The following PRMT9 variants were observed in gnomAD, a reference collection of about 807,000 sequenced individuals.
The protein encoded by PRMT9 is protein arginine N-methyltransferase 9.
In PRMT9, 59 loss-of-function variants were observed where a neutral mutation model predicts 83.2. The ratio of observed to expected loss-of-function variants is 0.71; its 90% CI spans 0.57 to 0.88. PRMT9 has a LOEUF of 0.88. Among genes scored for constraint, PRMT9 ranks in the 40% least tolerant of loss-of-function variants. The pLI is 0.00. For missense variants in PRMT9, 947 were observed against 1,021.9 expected (o/e 0.93, Z 1.00); for synonymous variants, 333 against 353.2 (o/e 0.94, Z 0.64).
At chr4:147,644,271 G>C (rs1266606101) in intron 9 of PRMT9, among the ~76,000 whole-genome samples, 1 of 151,696 alleles carries the variant, frequency 6.6e-6, no homozygotes, top group African/African-American at 2.4e-5. Context: ...TACTATTACT[G>C]AGTGTAAGGT....
At position 147,638,990 on chromosome 4, in the gene PRMT9, C is replaced by T. The variant is rs753035624; in HGVS notation, c.2292G>A (p.Pro764=). The T allele has an allele frequency of 9.3e-6, 15 of 1,612,194 alleles. No individual in the cohort carries two copies. The highest frequency in any genetic ancestry group is 2.2e-5 in the East Asian group (1 of 44,782). ...CTTCTCTGTTAGAGGTGTTCAAATA[C>T]GGAGTCATTAAATCTAGTCTTAAGA... ...VELLRLDLMT[P]YLNTSNREVK... is the part of the protein sequence containing the mutation. The change falls in exon 11 of 12, where the codon CCG becomes CCA. Residue 764 remains proline (P), a synonymous_variant. Coordinates refer to ENST00000322396, the MANE Select transcript of PRMT9 (RefSeq NM_138364.4).
intron 2 of PRMT9, among the ~76,000 whole-genome samples, chr4:147,675,496 T>C (rs375221041): frequency 2.0e-5 from 3 of 152,220 alleles, no homozygotes; most frequent in African/African-American, 7.2e-5. Flanking sequence ...GCAACTACCA[T>C]TGTACATAGT....
intron 9 of PRMT9, among the ~76,000 whole-genome samples, 156 bp from the exon 10 acceptor site, chr4:147,643,096 C>CA (rs1189376584): frequency 1.1e-4 from 17 of 152,132 alleles, no homozygotes; most frequent in African/African-American, 3.4e-4. Flanking sequence ...CTCATCTCTA[C>CA]AAAAAATACA....
chr4:147,642,341 C>T (rs1356165191), intron 10 of PRMT9, among the ~76,000 whole-genome samples: 1 of 152,048 alleles, frequency 6.6e-6, no homozygotes, highest in African/African-American at 2.4e-5. Flanking sequence ...TGAGTTCAAG[C>T]GATTCTCCCA....
rs988650013 is a variant in PRMT9, at chr4:147,642,796, G to A, written c.2190C>T (p.Asn730=). ...TLGLNIAPFI[N]QFQVPIRVFL... ...TCCTCTAGACACTTACCTGAAACTGGTTAATAAAAGGTGCTATATTTAATC... is the reference window on the plus strand; with the variant it reads ...TCCTCTAGACACTTACCTGAAACTGATTAATAAAAGGTGCTATATTTAATC... The change falls in exon 10 of 12, where the codon AAC becomes AAT. Residue 730 remains asparagine (N), a synonymous_variant. Transcript: ENST00000322396. 2.5e-6 allele frequency: 4 copies of A among 1,613,402 alleles called. No individual in the cohort carries two copies.
chr4:147,670,839 G>C, intron 4 of PRMT9, 96 bp from the exon 5 acceptor site: 1 of 804,916 alleles, frequency 1.2e-6, no homozygotes, highest in Admixed American at 1.9e-5. Flanking sequence ...GTATATTATA[G>C]AAACAGTCCA....
Position 147,653,838 on chromosome 4 carries a change from A to G in PRMT9, c.2045+14T>C. The G allele has an allele frequency of 6.3e-7, 1 of 1,586,142 alleles. No homozygotes were observed. Among genetic ancestry groups the G allele is most frequent in the East Asian group, 2.2e-5 (1 of 44,728 alleles). On this transcript the variant is annotated intron_variant, in intron 9 of 11. Transcript: ENST00000322396. ...AAAAAAAACAAAGCCAAAAGTTATTATTTTGTGTTTTACCTGGATATTGCA... is the reference window on the plus strand; with the variant it reads ...AAAAAAAACAAAGCCAAAAGTTATTGTTTTGTGTTTTACCTGGATATTGCA...
chr4:147,670,379 A>C (rs901770308), intron 5 of PRMT9, among the ~76,000 whole-genome samples: 1 of 152,014 alleles, frequency 6.6e-6, no homozygotes, highest in Non-Finnish European at 1.5e-5. Context: ...GGGTTTCTCC[A>C]TGTTGGTAAG....
chr4:147,667,554 T>C (rs1038446129), intron 6 of PRMT9, among the ~76,000 whole-genome samples: 1 of 152,188 alleles, frequency 6.6e-6, no homozygotes, highest in African/African-American at 2.4e-5. Context: ...TCTCTAAACA[T>C]TTTTACTATC....
intron 9 of PRMT9, among the ~76,000 whole-genome samples, chr4:147,648,158 G>C (rs561919098): frequency 9.9e-5 from 15 of 152,220 alleles, no homozygotes; most frequent in African/African-American, 3.1e-4. Flanking sequence ...AGTATCTTCT[G>C]TATGCTAATG....
chr4:147,653,059 C>T (rs1202170902), intron 9 of PRMT9, among the ~76,000 whole-genome samples: 2 of 152,140 alleles, frequency 1.3e-5, no homozygotes, highest in East Asian at 3.9e-4. Flanking sequence ...TGTGTACATG[C>T]ACACAAAAAC....
intron 6 of PRMT9, among the ~76,000 whole-genome samples, chr4:147,666,879 T>G (rs1475672179): frequency 6.6e-6 from 1 of 151,666 alleles, no homozygotes; most frequent in Non-Finnish European, 1.5e-5. Context: ...CCTACACCTA[T>G]TCAATCAAAC....
At chr4:147,652,392 C>G (rs1734165351) in intron 9 of PRMT9, among the ~76,000 whole-genome samples, 1 of 151,838 alleles carries the variant, frequency 6.6e-6, no homozygotes, top group Non-Finnish European at 1.5e-5. Flanking sequence ...AAAAATCACT[C>G]AATTAGCTGA....
At position 147,653,982 on chromosome 4, in the gene PRMT9, G is replaced by A. The variant is rs1396757577; in HGVS notation, c.1915C>T (p.His639Tyr). Residue 639 changes from histidine to tyrosine, a missense_variant, in exon 9 of 12, where the codon CAT (histidine) becomes TAT (tyrosine). His to Tyr is a moderately conservative substitution (Grantham distance 83). Coordinates refer to ENST00000322396, the MANE Select transcript of PRMT9 (RefSeq NM_138364.4). ...AACATAGCAGATTCATCCTCCACAT[G>A]TCTCAGCCAAAACTCAAGTGTTTCT... Reference protein sequence around the residue: ...PKETLEFWLRHVEDESAMLQR... With the variant: ...PKETLEFWLRYVEDESAMLQR... The A allele has an allele frequency of 1.2e-6, 2 of 1,614,116 alleles. No individual in the cohort carries two copies. Among genetic ancestry groups the A allele is most frequent in the Admixed American group, 1.7e-5 (1 of 60,024 alleles).
intron 1 of PRMT9, among the ~76,000 whole-genome samples, chr4:147,683,402 G>T (rs565955567): frequency 6.6e-6 from 1 of 152,198 alleles, no homozygotes; most frequent in South Asian, 2.1e-4. Context: ...GTTGAGAGCC[G>T]ACTGCAACAG....
At chr4:147,683,752 TAC>T in intron 1 of PRMT9, 45 bp downstream of exon 1, 1 of 1,378,464 alleles carries the variant, frequency 7.3e-7, no homozygotes, top group Non-Finnish European at 1.0e-6. Context: ...TTTTTTTTTT[TAC>T]GAGGACGTTG....
At chr4:147,648,860 G>A (rs1018759151) in intron 9 of PRMT9, among the ~76,000 whole-genome samples, 6 of 152,132 alleles carry the variant, frequency 3.9e-5, no homozygotes, top group African/African-American at 1.4e-4. Context: ...CCTACCCTTA[G>A]GTTGGGGGCT....
intron 5 of PRMT9, among the ~76,000 whole-genome samples, chr4:147,669,102 T>C (rs1735564413): frequency 6.6e-6 from 1 of 151,696 alleles, no homozygotes; most frequent in Non-Finnish European, 1.5e-5. Flanking sequence ...AAAAAAAGTA[T>C]TTTTGGCCAG....
At chr4:147,651,468 A>G (rs909902329) in intron 9 of PRMT9, among the ~76,000 whole-genome samples, 2 of 152,224 alleles carry the variant, frequency 1.3e-5, no homozygotes, top group African/African-American at 4.8e-5. Flanking sequence ...GTGGGAAAAA[A>G]ATATTTACAA....
Sources: allele counts gnomAD v4.1 joint callset (sites outside exome capture counted in the v4.1 genomes callset), GRCh38; gene constraint gnomAD v4.1.1; transcripts MANE v1.5; gene names NCBI Gene and HGNC (gene_info 2026-07-23, HGNC 2026-07-21).